The following TAFA4 variants were observed in gnomAD, a reference collection of about 807,000 sequenced individuals.
The protein encoded by TAFA4 is TAFA chemokine like family member 4.
In TAFA4, 20 loss-of-function variants were observed where a neutral mutation model predicts 21.1. That is an observed-to-expected ratio of 0.95 (90% CI 0.67 to 1.38). The LOEUF is 1.38. TAFA4 is among the 40% of genes most tolerant of loss of function. The pLI is 0.00. For missense variants in TAFA4, 211 were observed against 180.9 expected (o/e 1.17, Z -0.95); for synonymous variants, 71 against 67.4 (o/e 1.05, Z -0.26).
rs1170628356 is a variant in TAFA4 at position 68,821,599 on chromosome 3, G to A, written c.130+59131C>T. Among the ~76,000 whole-genome samples the A allele has an allele frequency of 4.6e-5, 5 of 107,688 alleles. 2 individuals are homozygous for A. The highest frequency in any genetic ancestry group is 9.4e-5 in the Non-Finnish European group (5 of 53,234). 70.6% of individuals were successfully genotyped at this position (107,688 alleles called of 152,430 possible). ...CCTGACCTCGTGATCCACCCGCCTCGGCCTCCCAAAGTGTGCTTTTTTTTT... is the reference window on the plus strand; with the variant it reads ...CCTGACCTCGTGATCCACCCGCCTCAGCCTCCCAAAGTGTGCTTTTTTTTT... On this transcript the variant is annotated intron_variant, in intron 3 of 5. Coordinates refer to ENST00000295569, the MANE Select transcript of TAFA4 (RefSeq NM_182522.5).
At chr3:68,826,911 G>C (rs923362730) in intron 3 of TAFA4, among the ~76,000 whole-genome samples, 11 of 152,076 alleles carry the variant, frequency 7.2e-5, no homozygotes, top group Non-Finnish European at 1.5e-4. Flanking sequence ...TATACTTTAA[G>C]TACTAGGGTA....
chr3:68,834,987 G>T lies in TAFA4; in HGVS notation c.130+45743C>A, dbSNP rs185655926. 1.4e-4 allele frequency among the ~76,000 whole-genome samples: 21 copies of T among 152,212 alleles called. No homozygotes were observed. The East Asian group carries it at 3.1e-3, about 22-fold the overall frequency. ...TCTAATATATGGTCATCCTACTCAG[G>T]ATAGAAGCCAAAATCTTCACAATGG... On this transcript the variant is annotated intron_variant, in intron 3 of 5. Coordinates refer to ENST00000295569, the MANE Select transcript of TAFA4 (RefSeq NM_182522.5).
chr3:68,787,871 G>A (rs551732082), intron 3 of TAFA4, among the ~76,000 whole-genome samples: 6 of 152,164 alleles, frequency 3.9e-5, no homozygotes, highest in South Asian at 4.1e-4. Context: ...CTTGTAACCC[G>A]ATTCCAACCC....
chr3:68,792,588 C>A (rs1359415885), intron 3 of TAFA4, among the ~76,000 whole-genome samples: 1 of 152,118 alleles, frequency 6.6e-6, no homozygotes, highest in African/African-American at 2.4e-5. Flanking sequence ...CACACATACT[C>A]CAAAGATAAA....
chr3:68,766,843 C>G (rs1702863458), intron 3 of TAFA4, among the ~76,000 whole-genome samples: 1 of 151,990 alleles, frequency 6.6e-6, no homozygotes, highest in Non-Finnish European at 1.5e-5. Context: ...ATTGTGAGAG[C>G]TTTGAAAAGC....
chr3:68,845,851 C>T (rs1704777119), intron 3 of TAFA4, among the ~76,000 whole-genome samples: 1 of 152,216 alleles, frequency 6.6e-6, no homozygotes. Flanking sequence ...CCCCCACTCT[C>T]TTCTGGATTG....
chr3:68,794,395 C>T lies in TAFA4; in HGVS notation c.131-41377G>A, dbSNP rs565593809. On this transcript the variant is annotated intron_variant, in intron 3 of 5. Transcript: ENST00000295569. ...GTATTTCACTCATGTTAAATACATG[C>T]TGCATTATTACAAAGTAATCTAACA... is the stretch of plus-strand genomic sequence containing the variant. Among the ~76,000 whole-genome samples, 56 of 152,296 alleles carry T rather than the reference C, an allele frequency of 3.7e-4. 2 individuals carry two copies. In the South Asian group the frequency reaches 0.012, roughly 32 times the overall value.
intron 3 of TAFA4, among the ~76,000 whole-genome samples, chr3:68,855,014 T>C (rs1705033605): frequency 6.6e-6 from 1 of 152,052 alleles, no homozygotes; most frequent in Admixed American, 6.6e-5. Flanking sequence ...GTAAAAATCA[T>C]AATAGGGGAC....
intron 1 of TAFA4, among the ~76,000 whole-genome samples, chr3:68,922,444 A>G (rs984339079): frequency 1.3e-5 from 2 of 152,212 alleles, no homozygotes; most frequent in African/African-American, 4.8e-5. Context: ...AAAATCCAAC[A>G]AAGTTCAGAA....
intron 3 of TAFA4, among the ~76,000 whole-genome samples, chr3:68,829,869 G>T (rs1479037898): frequency 6.6e-6 from 1 of 152,154 alleles, no homozygotes; most frequent in Non-Finnish European, 1.5e-5. Flanking sequence ...TTCAGAGCCT[G>T]TTGTTGGTCT....
At chr3:68,770,853 G>A (rs889076094) in intron 3 of TAFA4, among the ~76,000 whole-genome samples, 1 of 152,288 alleles carries the variant, frequency 6.6e-6, no homozygotes, top group South Asian at 2.1e-4. Flanking sequence ...ATGAAGACAG[G>A]CATTTCTGTT....
intron 2 of TAFA4, among the ~76,000 whole-genome samples, chr3:68,881,404 T>C (rs994706897): frequency 6.6e-6 from 1 of 152,200 alleles, no homozygotes; most frequent in Non-Finnish European, 1.5e-5. Context: ...CTTCGTATGA[T>C]GGACAGTATC....
chr3:68,765,519 G>A (rs1300698612), intron 3 of TAFA4, among the ~76,000 whole-genome samples: 1 of 152,036 alleles, frequency 6.6e-6, no homozygotes, highest in Non-Finnish European at 1.5e-5. Context: ...TCTAAGTCCA[G>A]AATTAAAATA....
At chr3:68,863,159 T>G (rs2106926036) in intron 3 of TAFA4, among the ~76,000 whole-genome samples, 1 of 151,872 alleles carries the variant, frequency 6.6e-6, no homozygotes, top group Admixed American at 6.6e-5. Flanking sequence ...GGAGGATCAC[T>G]TGAGCCCGGG....
chr3:68,831,510 C>T (rs918243246), intron 3 of TAFA4, among the ~76,000 whole-genome samples: 2 of 151,974 alleles, frequency 1.3e-5, no homozygotes, highest in African/African-American at 4.8e-5. Flanking sequence ...GAATATTGGC[C>T]CCCACTCTCT....
chr3:68,787,026 A>C (rs1017140010), intron 3 of TAFA4, among the ~76,000 whole-genome samples: 1 of 152,236 alleles, frequency 6.6e-6, no homozygotes, highest in South Asian at 2.1e-4. Flanking sequence ...TGCTAAATAA[A>C]AATGTAATCC....
intron 3 of TAFA4, among the ~76,000 whole-genome samples, chr3:68,803,240 A>G (rs1703614828): frequency 6.6e-6 from 1 of 152,248 alleles, no homozygotes. Context: ...ATAATGAGAA[A>G]TAAATAGATG....
chr3:68,737,560 T>C (rs1702267608), intron 5 of TAFA4, among the ~76,000 whole-genome samples: 1 of 152,210 alleles, frequency 6.6e-6, no homozygotes, highest in African/African-American at 2.4e-5. Flanking sequence ...AACTATTCCA[T>C]TGATAATCTG....
At chr3:68,795,348 C>G (rs968757398) in intron 3 of TAFA4, among the ~76,000 whole-genome samples, 5 of 151,844 alleles carry the variant, frequency 3.3e-5, no homozygotes, top group African/African-American at 7.3e-5. Context: ...ATAAAACACC[C>G]TTCCCCCATT....
Sources: gnomAD v4.1 joint callset for allele counts (sites outside exome capture counted in the v4.1 genomes callset) on GRCh38, gnomAD v4.1.1 for gene constraint, MANE v1.5 for transcripts, NCBI Gene and HGNC (gene_info 2026-07-23, HGNC 2026-07-21) for gene names.